The following KCNMB3 variants were observed in gnomAD, a reference collection of about 807,000 sequenced individuals.
KCNMB3 encodes the protein potassium calcium-activated channel subfamily M regulatory beta subunit 3, also known as calcium-activated potassium channel subunit beta-3.
Under a neutral mutation model 11.9 loss-of-function variants are expected in KCNMB3, and 18 were observed. The ratio of observed to expected loss-of-function variants is 1.51; its 90% CI spans 1.04 to 2.23. The LOEUF (loss-of-function observed/expected upper bound fraction) is 2.23, where lower values mean the gene tolerates loss of function less well. Among genes scored for constraint, KCNMB3 ranks in the 30% most tolerant of loss-of-function variants. KCNMB3 has a pLI of 0.00. For missense variants in KCNMB3, 247 were observed against 329.4 expected, an observed-to-expected ratio of 0.75 and a Z score of 1.94; for synonymous variants, 78 against 119.2, an observed-to-expected ratio of 0.65 and a Z score of 2.25.
intron 1 of KCNMB3, chr3:179,259,418 T>G: frequency 6.3e-7 from 1 of 1,599,988 alleles, no homozygotes. Flanking sequence ...CAAAATCTAA[T>G]GTGTCTCTAC....
chr3:179,245,938 T>C (rs1238159528), intron 1 of KCNMB3, among the ~76,000 whole-genome samples: 1 of 152,194 alleles, frequency 6.6e-6, no homozygotes, highest in African/African-American at 2.4e-5. Context: ...TGTATATGTA[T>C]GAAATAATTT....
chr3:179,240,872 T>C (rs1318410854), downstream of KCNMB3: 11 of 152,206 alleles, frequency 7.2e-5, no homozygotes, highest in Non-Finnish European at 1.5e-4. Context: ...GAGAAAAGTG[T>C]AGAATCTCAA....
At chr3:179,242,663 A>G (rs1725492554), downstream of KCNMB3, 1 of 597,898 alleles carries the variant, frequency 1.7e-6, no homozygotes, top group Non-Finnish European at 2.4e-6. Context: ...TATACAGGAA[A>G]AAAAACAGTG....
chr3:179,245,582 C>G (rs1368297097), intron 1 of KCNMB3, among the ~76,000 whole-genome samples: 2 of 152,068 alleles, frequency 1.3e-5, no homozygotes. Flanking sequence ...TCACTGCAAC[C>G]TCCGCCTTCT....
chr3:179,248,298 A>G (rs1400724704), intron 1 of KCNMB3, among the ~76,000 whole-genome samples: 1 of 152,212 alleles, frequency 6.6e-6, no homozygotes, highest in Non-Finnish European at 1.5e-5. Flanking sequence ...AAAATATAGT[A>G]TGTATTGAGC....
chr3:179,260,667 T>C, intron 1 of KCNMB3: 1 of 1,348,950 alleles, frequency 7.4e-7, no homozygotes, highest in Non-Finnish European at 1.1e-6. Flanking sequence ...TTGGTAACTA[T>C]TTCTGAATTT....
At chr3:179,244,848 A>G (rs923404635) in intron 1 of KCNMB3, among the ~76,000 whole-genome samples, 155 bp from the exon 2 acceptor site, 1 of 152,220 alleles carries the variant, frequency 6.6e-6, no homozygotes, top group African/African-American at 2.4e-5. Context: ...CAGCAGGCAC[A>G]TAATAAACAG....
intron 1 of KCNMB3, chr3:179,260,943 C>A: frequency 9.0e-7 from 1 of 1,105,244 alleles, no homozygotes; most frequent in Non-Finnish European, 1.4e-6. Flanking sequence ...TTCTCTTCAA[C>A]TTCTGCTAGA....
At chr3:179,264,475 G>A (rs181687578) in intron 1 of KCNMB3, among the ~76,000 whole-genome samples, 2 of 152,144 alleles carry the variant, frequency 1.3e-5, no homozygotes, top group African/African-American at 4.8e-5. Flanking sequence ...ATACATGTCC[G>A]CTTCTAACCA....
upstream of KCNMB3, among the ~76,000 whole-genome samples, chr3:179,252,357 C>T (rs537451707): frequency 1.3e-5 from 2 of 152,284 alleles, no homozygotes; most frequent in South Asian, 2.1e-4. Flanking sequence ...ATCAAGCTTC[C>T]TAAAAGCTTA....
At chr3:179,246,431 T>C (rs1725646081) in intron 1 of KCNMB3, among the ~76,000 whole-genome samples, 1 of 151,156 alleles carries the variant, frequency 6.6e-6, no homozygotes. Context: ...AAAGTAAGAA[T>C]GTTCGAAAAG....
upstream of KCNMB3, among the ~76,000 whole-genome samples, chr3:179,254,753 G>C (rs1725957170): frequency 6.6e-6 from 1 of 152,128 alleles, no homozygotes; most frequent in Admixed American, 6.6e-5. Context: ...AGTGAGCCAA[G>C]ATTGCGCCAC....
downstream of KCNMB3, chr3:179,242,729 G>A (rs562806435): frequency 1.5e-4 from 159 of 1,036,292 alleles, no homozygotes; most frequent in African/African-American, 2.2e-3. Flanking sequence ...GAATTTGTAT[G>A]TATTTATAGA....
chr3:179,260,513 C>A, intron 1 of KCNMB3: 1 of 1,604,402 alleles, frequency 6.2e-7, no homozygotes, highest in African/African-American at 1.3e-5. Flanking sequence ...TCCCCACATT[C>A]GCCACGATTT....
At chr3:179,260,315 A>C (rs113518362) in intron 1 of KCNMB3, 6 of 1,613,854 alleles carry the variant, frequency 3.7e-6, no homozygotes, top group African/African-American at 2.7e-5. Context: ...AAGCGCTCTC[A>C]AGAATTTGGC....
At chr3:179,260,038 C>T in intron 1 of KCNMB3, 2 of 1,612,236 alleles carry the variant, frequency 1.2e-6, no homozygotes, top group South Asian at 1.1e-5. Context: ...AAACTATGCC[C>T]TATGCTTGTC....
At chr3:179,259,065 C>T in intron 1 of KCNMB3, 1 of 1,610,478 alleles carries the variant, frequency 6.2e-7, no homozygotes, top group Non-Finnish European at 8.5e-7. Context: ...CTCGTTCCCT[C>T]CTCTGGTATC....
chr3:179,258,805 A>C, intron 1 of KCNMB3: 1 of 1,335,964 alleles, frequency 7.5e-7, no homozygotes. Flanking sequence ...ATGTACACTG[A>C]TAACAAATAT....
intron 1 of KCNMB3, among the ~76,000 whole-genome samples, chr3:179,246,886 A>G (rs2108442097): frequency 6.6e-6 from 1 of 152,350 alleles, no homozygotes; most frequent in Middle Eastern, 3.4e-3. Flanking sequence ...AGGTGGAACC[A>G]GGGATGTATT....
Sources: allele counts gnomAD v4.1 joint callset (sites outside exome capture counted in the v4.1 genomes callset), GRCh38; gene constraint gnomAD v4.1.1; transcripts MANE v1.5; gene names NCBI Gene and HGNC (gene_info 2026-07-23, HGNC 2026-07-21).